SPON1: variants seen among roughly 807,000 people sequenced by gnomAD.
SPON1 encodes the protein spondin 1.
Under a neutral mutation model 111.7 loss-of-function variants are expected in SPON1, and 52 were observed. The ratio of observed to expected loss-of-function variants is 0.47; its 90% CI spans 0.37 to 0.59. SPON1 has a LOEUF of 0.59. Ranked by LOEUF, SPON1 falls within the 20% of genes least tolerant of loss-of-function variation. The probability of loss-of-function intolerance (pLI) is 0.00; values close to 1 mark genes in which losing one functional copy is unlikely to be tolerated. For missense variants in SPON1, 957 were observed against 1,068.5 expected (o/e 0.90, Z 1.46); for synonymous variants, 410 against 395.8 (o/e 1.04, Z -0.43).
At chr11:14,004,446 C>T (rs1435221645) in intron 2 of SPON1, among the ~76,000 whole-genome samples, 2 of 152,174 alleles carry the variant, frequency 1.3e-5, no homozygotes, top group Non-Finnish European at 2.9e-5. Context: ...TCTACGTTTC[C>T]ATCAACAGCA....
At chr11:14,096,322 A>G (rs1849100485) in intron 5 of SPON1, among the ~76,000 whole-genome samples, 1 of 152,110 alleles carries the variant, frequency 6.6e-6, no homozygotes, top group Non-Finnish European at 1.5e-5. Flanking sequence ...AATAAAGCAG[A>G]CTCAGTCCCA....
chr11:14,059,693 T>A (rs1233418671), intron 3 of SPON1, among the ~76,000 whole-genome samples: 1 of 152,116 alleles, frequency 6.6e-6, no homozygotes, highest in Non-Finnish European at 1.5e-5. Context: ...AGTGACAGAG[T>A]TACTGGCTGG....
chr11:14,037,161 G>A (rs761450889), intron 2 of SPON1, among the ~76,000 whole-genome samples: 2 of 151,976 alleles, frequency 1.3e-5, no homozygotes, highest in Admixed American at 6.6e-5. Context: ...TGCACAATGT[G>A]CAGGTTTGTT....
At chr11:14,138,189 A>C (rs1352747084) in intron 6 of SPON1, among the ~76,000 whole-genome samples, 1 of 152,316 alleles carries the variant, frequency 6.6e-6, no homozygotes, top group East Asian at 1.9e-4. Context: ...CTCAAGAAAG[A>C]CATTTATATG....
chr11:14,201,013 C>T (rs1399676066), intron 6 of SPON1, among the ~76,000 whole-genome samples: 1 of 151,886 alleles, frequency 6.6e-6, no homozygotes, highest in East Asian at 1.9e-4. Flanking sequence ...CTCTGAGCCT[C>T]AGTTTCCATA....
Position 14,190,988 on chromosome 11 carries a change from G to A in SPON1, c.826-52344G>A, listed in dbSNP as rs1185542017. Among the ~76,000 whole-genome samples the A allele has an allele frequency of 1.3e-3, 204 of 151,728 alleles. 1 individual carries two copies. The highest frequency in any genetic ancestry group is 4.4e-3 in the African/African-American group (179 of 41,114). On this transcript the variant is annotated intron_variant, in intron 6 of 15. Transcript: ENST00000576479. ...AATGCTGAAAACAAAAAAGAAAAAAGCACTTACAATCCCATCACTTGGTAT... is the reference window on the plus strand; with the variant it reads ...AATGCTGAAAACAAAAAAGAAAAAAACACTTACAATCCCATCACTTGGTAT...
chr11:14,229,465 G>A (rs1197847655), intron 6 of SPON1, among the ~76,000 whole-genome samples: 7 of 152,190 alleles, frequency 4.6e-5, no homozygotes, highest in Admixed American at 3.9e-4. Context: ...TCAGGCAGTA[G>A]TGAGAGGTCG....
At chr11:14,091,516 C>G (rs569874276) in intron 5 of SPON1, among the ~76,000 whole-genome samples, 1 of 152,156 alleles carries the variant, frequency 6.6e-6, no homozygotes, top group Non-Finnish European at 1.5e-5. Flanking sequence ...AGCGCAGCAC[C>G]GGTGGGCCGG....
At chr11:14,217,588 A>C (rs1401673239) in intron 6 of SPON1, among the ~76,000 whole-genome samples, 1 of 152,160 alleles carries the variant, frequency 6.6e-6, no homozygotes, top group Non-Finnish European at 1.5e-5. Flanking sequence ...CTTCTGTATT[A>C]AAAAGAAAGA....
At chr11:14,024,370 G>C (rs551291922) in intron 2 of SPON1, among the ~76,000 whole-genome samples, 1 of 152,270 alleles carries the variant, frequency 6.6e-6, no homozygotes. Flanking sequence ...TTTGATCACA[G>C]GTGGGCTTGG....
chr11:14,115,000 G>C lies in SPON1; in HGVS notation c.677-20420G>C, dbSNP rs11826322. ...AGTAGCTTTGCAACTCCTGGCTAAT[G>C]GCTCCAGGCAGGCACTTCTGTCCCA... On this transcript the variant is annotated intron_variant, in intron 5 of 15. Coordinates refer to ENST00000576479, the MANE Select transcript of SPON1 (RefSeq NM_006108.4). Among the ~76,000 whole-genome samples, 682 of 152,292 alleles carry C rather than the reference G, an allele frequency of 4.5e-3. 6 individuals are homozygous for C. Among genetic ancestry groups the C allele is most frequent in the African/African-American group, 0.015 (623 of 41,558 alleles).
At chr11:14,241,905 C>A (rs1231631682) in intron 6 of SPON1, among the ~76,000 whole-genome samples, 4 of 152,136 alleles carry the variant, frequency 2.6e-5, no homozygotes, top group African/African-American at 9.6e-5. Flanking sequence ...AGATTTTTTT[C>A]ATCTGATGGA....
intron 3 of SPON1, among the ~76,000 whole-genome samples, chr11:14,060,485 C>T (rs1276225817): frequency 6.6e-6 from 1 of 152,122 alleles, no homozygotes; most frequent in Non-Finnish European, 1.5e-5. Flanking sequence ...TCCCTCTATA[C>T]CTCAGCTTCA....
chr11:14,116,255 T>C (rs536817180), intron 5 of SPON1, among the ~76,000 whole-genome samples: 1 of 152,288 alleles, frequency 6.6e-6, no homozygotes, highest in Non-Finnish European at 1.5e-5. Context: ...GTCCACATTA[T>C]CTTTTTTTTG....
intron 5 of SPON1, among the ~76,000 whole-genome samples, chr11:14,125,055 C>T (rs188134732): frequency 2.0e-5 from 3 of 152,288 alleles, no homozygotes; most frequent in African/African-American, 7.2e-5. Context: ...GGGATGGGAA[C>T]CTGAAAACCA....
intron 6 of SPON1, among the ~76,000 whole-genome samples, chr11:14,147,648 C>T (rs1419528483): frequency 6.6e-6 from 1 of 152,046 alleles, no homozygotes; most frequent in Admixed American, 6.6e-5. Flanking sequence ...AACTCCCGAA[C>T]TCAACTGATC....
At chr11:14,064,230 A>G (rs1848813712) in intron 3 of SPON1, among the ~76,000 whole-genome samples, 1 of 152,260 alleles carries the variant, frequency 6.6e-6, no homozygotes, top group Non-Finnish European at 1.5e-5. Flanking sequence ...TAAACATGCA[A>G]TAAATCAAAG....
intron 6 of SPON1, among the ~76,000 whole-genome samples, chr11:14,185,357 T>G (rs1473948190): frequency 1.3e-5 from 2 of 152,178 alleles, no homozygotes; most frequent in Non-Finnish European, 2.9e-5. Flanking sequence ...TATGAACTGT[T>G]TTTCCTCTAT....
At position 14,255,575 on chromosome 11, in the gene SPON1, A is replaced by G. The variant is rs1356215974; in HGVS notation, c.1093-72A>G. The G allele has an allele frequency of 4.8e-6, 7 of 1,462,020 alleles. No individual in the cohort carries two copies. In the East Asian group the frequency reaches 1.4e-4, roughly 29 times the overall value. 90.6% of individuals were successfully genotyped at this position (1,462,020 alleles called of 1,614,324 possible). Reference sequence around the variant, plus strand: ...CCTATCAAGGACTTTGCTCTGATCCATATAACAAATGGCTTTTGTGGGTTT... The same window carrying G: ...CCTATCAAGGACTTTGCTCTGATCCGTATAACAAATGGCTTTTGTGGGTTT... On this transcript the variant is annotated intron_variant, in intron 8 of 15. Coordinates refer to ENST00000576479, the MANE Select transcript of SPON1 (RefSeq NM_006108.4).
Sources: gnomAD v4.1 joint callset for allele counts (sites outside exome capture counted in the v4.1 genomes callset) on GRCh38, gnomAD v4.1.1 for gene constraint, MANE v1.5 for transcripts, NCBI Gene and HGNC (gene_info 2026-07-23, HGNC 2026-07-21) for gene names.